The following ZNF892 variants were observed in gnomAD, a reference collection of about 807,000 sequenced individuals.
ZNF892 encodes the protein zinc finger protein 892.
At chr2:95,231,712 A>T in the ZNF892 span, among the ~76,000 whole-genome samples, 6 of 152,164 alleles carry the variant, frequency 3.9e-5, no homozygotes, top group Non-Finnish European at 5.9e-5. Flanking sequence ...TCTCTGTACT[A>T]TTACTGAGCT....
chr2:95,219,565 G>C, the ZNF892 span, among the ~76,000 whole-genome samples: 1 of 152,162 alleles, frequency 6.6e-6, no homozygotes, highest in Non-Finnish European at 1.5e-5. Flanking sequence ...TGTCATCTCA[G>C]TGTTGACATC....
chr2:95,220,315 C>T, the ZNF892 span, among the ~76,000 whole-genome samples: 2 of 150,314 alleles, frequency 1.3e-5, no homozygotes, highest in Non-Finnish European at 2.9e-5. Context: ...CCTTCCCAGT[C>T]CTTTGGCTAA....
the ZNF892 span, among the ~76,000 whole-genome samples, chr2:95,252,521 T>C: frequency 6.6e-6 from 1 of 152,194 alleles, no homozygotes; most frequent in Non-Finnish European, 1.5e-5. Context: ...GTCTTTGCTA[T>C]TGTGAATAGT....
the ZNF892 span, among the ~76,000 whole-genome samples, chr2:95,261,790 T>C: frequency 1.3e-5 from 2 of 152,164 alleles, no homozygotes; most frequent in African/African-American, 4.8e-5. Flanking sequence ...TAGTTGAATA[T>C]GAAAGGAGAG....
the ZNF892 span, among the ~76,000 whole-genome samples, chr2:95,245,914 C>G: frequency 1.3e-5 from 2 of 152,112 alleles, no homozygotes; most frequent in African/African-American, 4.8e-5. Context: ...CAGACATATT[C>G]ACAGCTGAAT....
At chr2:95,225,717 A>G in the ZNF892 span, among the ~76,000 whole-genome samples, 5 of 152,156 alleles carry the variant, frequency 3.3e-5, no homozygotes, top group Non-Finnish European at 7.3e-5. Context: ...TGATTTCATA[A>G]TCAACTTCAG....
chr2:95,209,133 G>GT, the ZNF892 span, among the ~76,000 whole-genome samples: 100 of 151,924 alleles, frequency 6.6e-4, 1 homozygote, highest in East Asian at 1.7e-3. Context: ...CTCTGAAAGA[G>GT]TTTTTTTTTA....
chr2:95,228,204 A>G, the ZNF892 span, among the ~76,000 whole-genome samples: 3 of 152,280 alleles, frequency 2.0e-5, no homozygotes, highest in East Asian at 1.9e-4. Flanking sequence ...TTTTCTGTCT[A>G]TTTCCTCATG....
chr2:95,251,041 A>T, the ZNF892 span, among the ~76,000 whole-genome samples: 1 of 150,586 alleles, frequency 6.6e-6, no homozygotes, highest in Non-Finnish European at 1.5e-5. Context: ...TGCTTAAATA[A>T]TAAATATTAC....
At chr2:95,234,065 C>T in the ZNF892 span, among the ~76,000 whole-genome samples, 1 of 152,106 alleles carries the variant, frequency 6.6e-6, no homozygotes, top group Non-Finnish European at 1.5e-5. Context: ...CTCTTGTTGC[C>T]CAGGCTGGAG....
chr2:95,233,439 C>T, the ZNF892 span, among the ~76,000 whole-genome samples: 4 of 150,878 alleles, frequency 2.7e-5, no homozygotes, highest in South Asian at 2.1e-4. Flanking sequence ...TTTGGGAGGC[C>T]GAGGCGGGTG....
chr2:95,207,562 G>C, the ZNF892 span: 1 of 372,298 alleles, frequency 2.7e-6, no homozygotes, highest in East Asian at 3.9e-5. Flanking sequence ...GTCCCCGCCG[G>C]CTGTTAGATG....
the ZNF892 span, among the ~76,000 whole-genome samples, chr2:95,246,451 A>C: frequency 6.6e-6 from 1 of 152,240 alleles, no homozygotes. Context: ...GAAAACCAGC[A>C]CAAAACAAGG....
At chr2:95,232,779 T>C in the ZNF892 span, among the ~76,000 whole-genome samples, 1 of 11,048 alleles carries the variant, frequency 9.1e-5, no homozygotes, top group Non-Finnish European at 1.6e-4. Context: ...TTTTAAATGC[T>C]AATATAGACT....
chr2:95,209,793 C>T, the ZNF892 span, among the ~76,000 whole-genome samples: 26 of 152,036 alleles, frequency 1.7e-4, no homozygotes, highest in Admixed American at 5.2e-4. Context: ...GCCTGTTAGT[C>T]TGTTAGTGTT....
the ZNF892 span, chr2:95,214,850 TG>T: frequency 4.0e-6 from 2 of 502,566 alleles, no homozygotes; most frequent in Non-Finnish European, 3.6e-6. Context: ...GAATTCATAC[TG>T]GGGAGAAACC....
chr2:95,253,521 G>T, the ZNF892 span, among the ~76,000 whole-genome samples: 1 of 152,200 alleles, frequency 6.6e-6, no homozygotes, highest in African/African-American at 2.4e-5. Context: ...GTCGCGAGAT[G>T]CCTCCATCTT....
At chr2:95,214,996 C>G in the ZNF892 span, 2 of 502,564 alleles carry the variant, frequency 4.0e-6, no homozygotes, top group East Asian at 6.2e-5. Context: ...TCATACCTCA[C>G]TCAACATCAG....
the ZNF892 span, among the ~76,000 whole-genome samples, chr2:95,253,176 T>G: frequency 6.6e-6 from 1 of 152,256 alleles, no homozygotes; most frequent in African/African-American, 2.4e-5. Flanking sequence ...ATGTCCTGAA[T>G]GGTATTGCCT....
Sources: gnomAD v4.1 joint callset for allele counts (sites outside exome capture counted in the v4.1 genomes callset) on GRCh38, gnomAD v4.1.1 for gene constraint, MANE v1.5 for transcripts, NCBI Gene and HGNC (gene_info 2026-07-23, HGNC 2026-07-21) for gene names.